TTLL1: variants seen among roughly 807,000 people sequenced by gnomAD.
TTLL1 encodes the protein TTL family tubulin polyglutamylase complex subunit L1.
In TTLL1, 33 loss-of-function variants were observed where a neutral mutation model predicts 47.8. The ratio of observed to expected loss-of-function variants is 0.69; its 90% CI spans 0.52 to 0.92. The LOEUF (loss-of-function observed/expected upper bound fraction) is 0.92. Ranked by LOEUF, TTLL1 falls within the 40% of genes least tolerant of loss-of-function variation. TTLL1 has a pLI of 0.00. For missense variants in TTLL1, 488 were observed against 547.5 expected (o/e 0.89, Z 1.08); for synonymous variants, 225 against 214.1 (o/e 1.05, Z -0.45).
chr22:43,058,334 G>A (rs374432732), intron 8 of TTLL1, among the ~76,000 whole-genome samples: 1 of 151,966 alleles, frequency 6.6e-6, no homozygotes, highest in Non-Finnish European at 1.5e-5. Flanking sequence ...GCTTTAACAC[G>A]GTAAAACAAA....
chr22:43,054,871 A>C (rs1477601598), intron 8 of TTLL1, among the ~76,000 whole-genome samples: 1 of 148,918 alleles, frequency 6.7e-6, no homozygotes, highest in African/African-American at 2.5e-5. Flanking sequence ...GACTACAGGC[A>C]CTGCCACTAC....
At chr22:43,055,694 G>C (rs539083738) in intron 8 of TTLL1, among the ~76,000 whole-genome samples, 8 of 150,134 alleles carry the variant, frequency 5.3e-5, no homozygotes, top group African/African-American at 1.5e-4. Context: ...GGCTGGTCTT[G>C]AACTCCTGGC....
intron 4 of TTLL1, among the ~76,000 whole-genome samples, chr22:43,069,016 C>T (rs913903865): frequency 3.3e-5 from 5 of 152,070 alleles, no homozygotes; most frequent in South Asian, 2.1e-4. Context: ...CATGAGCCCT[C>T]GTGGCAGCCT....
At chr22:43,063,733 C>T (rs929265818) in intron 7 of TTLL1, 80 bp downstream of exon 7, 92 of 1,374,304 alleles carry the variant, frequency 6.7e-5, no homozygotes, top group Middle Eastern at 5.7e-4. Context: ...CCCAAAGTGC[C>T]GGGATTACAG....
chr22:43,086,863 C>T (rs906945054), intron 1 of TTLL1, among the ~76,000 whole-genome samples: 1 of 152,166 alleles, frequency 6.6e-6, no homozygotes, highest in Non-Finnish European at 1.5e-5. Flanking sequence ...GTGTGACACA[C>T]ACAACACTAA....
intron 9 of TTLL1, among the ~76,000 whole-genome samples, chr22:43,048,225 G>A (rs931428505): frequency 1.3e-5 from 2 of 151,890 alleles, no homozygotes; most frequent in African/African-American, 2.4e-5. Flanking sequence ...ACTGAGACAG[G>A]AGAATCGCTT....
rs936956215 is a variant in TTLL1 at position 43,075,668 on chromosome 22, G to A, written c.-4-78C>T. 3.9e-6 allele frequency: 5 copies of A among 1,277,242 alleles called. No homozygotes were observed. The African/African-American group carries it at 4.4e-5, about 11-fold the overall frequency. The allele number at this position is 1,277,242 out of a possible 1,614,324, so 79.1% of individuals were successfully genotyped here. On this transcript the variant is annotated intron_variant, in intron 2 of 10. Transcript: ENST00000266254. ...TTAAACCCAAGGAATCCTCTAAACAGCATGCCCATCCCAAACTCGATCTTA... is the reference window on the plus strand; with the variant it reads ...TTAAACCCAAGGAATCCTCTAAACAACATGCCCATCCCAAACTCGATCTTA...
chr22:43,063,815 C>T lies in TTLL1; in HGVS notation c.745G>A (p.Gly249Arg), dbSNP rs141850809. ...HLTNVAIQKH[G>R]EDYNHIHGGK... is the part of the protein sequence containing the mutation. ...CACAAATGAAAGGACACACTCACCC[C>T]GTGTTTCTGGATGGCGACGTTGGTG... is the stretch of plus-strand genomic sequence containing the variant. The change falls in exon 7 of 11, where the codon GGG (glycine) becomes AGG (arginine). Residue 249 changes from glycine (G) to arginine (R), a missense_variant and splice_region_variant. Gly to Arg is a moderately radical substitution (Grantham distance 125). Coordinates refer to ENST00000266254, the MANE Select transcript of TTLL1 (RefSeq NM_012263.5). The T allele has an allele frequency of 9.2e-5, 148 of 1,613,470 alleles. No homozygotes were observed. The highest frequency in any genetic ancestry group is 1.0e-4 in the Non-Finnish European group (119 of 1,179,576).
rs1308037263 is a variant in TTLL1 at position 43,088,635 on chromosome 22, GC to G, written c.-90+641del. Among the ~76,000 whole-genome samples the G allele has an allele frequency of 4.6e-5, 7 of 152,142 alleles. No homozygotes were observed. In the East Asian group the frequency reaches 1.4e-3, roughly 29 times the overall value. On this transcript the variant is annotated intron_variant, in intron 1 of 10. Transcript: ENST00000266254. The stretch of plus-strand genomic sequence containing the variant: ...TGGGATTACAGGCGTGAGCCACCGT[GC>G]CCGGCCGGGGCCCATCTTTTTGTAC...
chr22:43,059,332 C>G (rs1483717437), intron 8 of TTLL1, 52 bp downstream of exon 8: 4 of 1,571,448 alleles, frequency 2.5e-6, no homozygotes, highest in African/African-American at 1.4e-5. Context: ...GCAAGCCCCC[C>G]CACTCCCAAA....
chr22:43,068,736 G>A (rs1927913590), intron 4 of TTLL1, 146 bp from the exon 5 acceptor site: 3 of 608,436 alleles, frequency 4.9e-6, no homozygotes, highest in Admixed American at 7.1e-5. Context: ...GGCCTCTGCT[G>A]CACAATCCCT....
intron 8 of TTLL1, among the ~76,000 whole-genome samples, chr22:43,057,167 G>A (rs1199258061): frequency 6.6e-6 from 1 of 152,006 alleles, no homozygotes; most frequent in Non-Finnish European, 1.5e-5. Flanking sequence ...CTACTTGGGA[G>A]GCTGAGGCAG....
At position 43,068,566 on chromosome 22, in the gene TTLL1, A is replaced by G; in HGVS notation, c.347T>C (p.Leu116Pro). 6.6e-7 allele frequency: 1 copy of G among 1,514,186 alleles called. No individual in the cohort carries two copies. Among genetic ancestry groups the G allele is most frequent in the Non-Finnish European group, 9.0e-7 (1 of 1,114,170 alleles). The allele number at this position is 1,514,186 out of a possible 1,614,324, so 93.8% of individuals were successfully genotyped here. A position where few individuals can be genotyped will look rare whatever the true frequency, so the allele number is the denominator to read the frequency against. ...TACAAACAGGTTGTAGTCAGCGGGC[A>G]GCATATAGGTGACTGGAACAAAGTC... ...YLDFVPVTYM[L>P]PADYNLFVEE... The change falls in exon 5 of 11, where the codon CTG (leucine) becomes CCG (proline). Residue 116 changes from leucine (L) to proline (P), a missense_variant. Coordinates refer to ENST00000266254, the MANE Select transcript of TTLL1 (RefSeq NM_012263.5).
chr22:43,079,315 G>A (rs1234297196), intron 2 of TTLL1, among the ~76,000 whole-genome samples: 1 of 147,206 alleles, frequency 6.8e-6, no homozygotes, highest in South Asian at 2.2e-4. Context: ...CTGCAGACAC[G>A]GGGGCCACAG....
chr22:43,076,576 C>G (rs1442349044), intron 2 of TTLL1, among the ~76,000 whole-genome samples: 6 of 151,358 alleles, frequency 4.0e-5, no homozygotes, highest in Non-Finnish European at 5.9e-5. Context: ...ACGGTGAAAC[C>G]CTGTCTCTAC....
chr22:43,084,249 C>G (rs935420168), intron 1 of TTLL1, among the ~76,000 whole-genome samples: 1 of 151,600 alleles, frequency 6.6e-6, no homozygotes, highest in African/African-American at 2.4e-5. Flanking sequence ...CTCTCAGGTT[C>G]AAGCGATTCT....
intron 1 of TTLL1, among the ~76,000 whole-genome samples, chr22:43,085,116 A>T (rs1929149328): frequency 6.6e-6 from 1 of 152,002 alleles, no homozygotes; most frequent in African/African-American, 2.4e-5. Flanking sequence ...AGCTGGGACT[A>T]CAGGCGCATG....
intron 10 of TTLL1, among the ~76,000 whole-genome samples, chr22:43,043,237 A>G (rs1434151927): frequency 6.6e-6 from 1 of 151,842 alleles, no homozygotes; most frequent in Non-Finnish European, 1.5e-5. Context: ...CACCATACCC[A>G]GCCTGGCCTC....
chr22:43,055,208 G>C (rs906160553), intron 8 of TTLL1, among the ~76,000 whole-genome samples: 1 of 151,892 alleles, frequency 6.6e-6, no homozygotes, highest in Non-Finnish European at 1.5e-5. Flanking sequence ...ATTTTTAGTA[G>C]AGATGGGGTT....
Sources: gnomAD v4.1 joint callset for allele counts (sites outside exome capture counted in the v4.1 genomes callset) on GRCh38, gnomAD v4.1.1 for gene constraint, MANE v1.5 for transcripts, NCBI Gene and HGNC (gene_info 2026-07-23, HGNC 2026-07-21) for gene names.